PTPN14: variants seen among roughly 807,000 people sequenced by gnomAD.
PTPN14 encodes the protein protein tyrosine phosphatase non-receptor type 14.
A neutral mutation model predicts 126.8 loss-of-function variants in PTPN14; 53 were observed. That is an observed-to-expected ratio of 0.42 (90% CI 0.34 to 0.53). PTPN14 has a LOEUF of 0.53. Ranked by LOEUF, PTPN14 falls within the 20% of genes least tolerant of loss-of-function variation. The pLI, the probability that PTPN14 is intolerant of heterozygous loss-of-function variation, is 0.08. For missense variants in PTPN14, 1,257 were observed against 1,552.9 expected (o/e 0.81, Z 3.20); for synonymous variants, 630 against 599.3 (o/e 1.05, Z -0.75).
rs1657760145 is a variant in PTPN14 at position 214,353,987 on chromosome 1, T to C, written c.*3935A>G. 1 of 152,202 alleles carries C rather than the reference T, an allele frequency of 6.6e-6. No individual in the cohort carries two copies. Among genetic ancestry groups the C allele is most frequent in the African/African-American group, 2.4e-5 (1 of 41,438 alleles). 9.4% of individuals were successfully genotyped at this position (152,202 alleles called of 1,614,324 possible). On this transcript the variant is annotated 3_prime_UTR_variant, in exon 19 of 19. Transcript: ENST00000366956. ...AATCTATATTAAGCTGGAAAAATAA[T>C]CAGCTGGATGAAAAGGCCAGCCTGC...
intron 3 of PTPN14, among the ~76,000 whole-genome samples, chr1:214,448,300 G>A (rs536157083): frequency 6.6e-6 from 1 of 152,172 alleles, no homozygotes. Context: ...GCGCGATCTC[G>A]GCTCACTGCA....
In PTPN14 at chr1:214,494,943, T is replaced by C. The variant is rs77392358; in HGVS notation, c.-154-29986A>G. ...CCTGGAATTCTTCTTGCTTGACTCATGAAACTCAACAGGTCTTAGAGATGA... is the reference window on the plus strand; with the variant it reads ...CCTGGAATTCTTCTTGCTTGACTCACGAAACTCAACAGGTCTTAGAGATGA... On this transcript the variant is annotated intron_variant, in intron 1 of 18. Transcript: ENST00000366956. Among the ~76,000 whole-genome samples, 262 of 152,350 alleles carry C rather than the reference T, an allele frequency of 1.7e-3. 2 individuals are homozygous for C. Among genetic ancestry groups the C allele is most frequent in the South Asian group, 6.0e-3 (29 of 4,832 alleles).
At chr1:214,372,457 A>G in intron 16 of PTPN14, 1 of 476,436 alleles carries the variant, frequency 2.1e-6, no homozygotes, top group Non-Finnish European at 3.7e-6. Flanking sequence ...AGTTTAGTGC[A>G]TTACAATCCA....
At chr1:214,533,751 G>A (rs1199438055) in intron 1 of PTPN14, among the ~76,000 whole-genome samples, 5 of 151,740 alleles carry the variant, frequency 3.3e-5, no homozygotes, top group Middle Eastern at 3.4e-3. Context: ...GCGGGAGAAT[G>A]GCGTGAACCC....
chr1:214,479,923 G>T (rs1660949473), intron 1 of PTPN14, among the ~76,000 whole-genome samples: 1 of 152,036 alleles, frequency 6.6e-6, no homozygotes, highest in African/African-American at 2.4e-5. Context: ...TTAATTTATT[G>T]TGTAACTGAG....
intron 15 of PTPN14, 90 bp downstream of exon 15, chr1:214,376,129 C>T: frequency 8.1e-7 from 1 of 1,236,030 alleles, no homozygotes; most frequent in Non-Finnish European, 1.1e-6. Context: ...CCAAAAGGTA[C>T]AACTGCAGCC....
rs114128993 is a variant in PTPN14, at chr1:214,394,820, C to A, written c.846+79G>T. The stretch of plus-strand genomic sequence containing the variant: ...ATTTATTATCTCAAGATAGGGAGAG[C>A]AAGGAAAGGACATTAGGAGTTGAAA... On this transcript the variant is annotated intron_variant, in intron 9 of 18. Transcript: ENST00000366956. 1,871 of 1,236,152 alleles carry A rather than the reference C, an allele frequency of 1.5e-3. 30 individuals are homozygous for A. In the African/African-American group the frequency reaches 0.024, roughly 16 times the overall value. The allele number at this position is 1,236,152 out of a possible 1,614,324, so 76.6% of individuals were successfully genotyped here.
chr1:214,544,812 G>GAAGAGGAGGTAAGAGAGAAAA (rs1460391037), intron 1 of PTPN14, among the ~76,000 whole-genome samples: 13 of 151,474 alleles, frequency 8.6e-5, no homozygotes, highest in Non-Finnish European at 1.8e-4. Flanking sequence ...AAAGAGGAGG[G>GAAGAGGAGGTAAGAGAGAAAA]AAGAGGAGGT....
intron 1 of PTPN14, among the ~76,000 whole-genome samples, chr1:214,482,118 C>G (rs1661004244): frequency 6.6e-6 from 1 of 151,598 alleles, no homozygotes; most frequent in African/African-American, 2.4e-5. Flanking sequence ...CATTTATTAG[C>G]TAAATTAGAA....
rs892666656 is a variant in PTPN14, at chr1:214,353,266, C to G, written c.*4656G>C. On this transcript the variant is annotated 3_prime_UTR_variant, in exon 19 of 19. Transcript: ENST00000366956. Reference sequence around the variant, plus strand: ...GTATTTGCATATAACCTATGCACATCTCTTGCATACTTTAAATCATCTCTA... The same window carrying G: ...GTATTTGCATATAACCTATGCACATGTCTTGCATACTTTAAATCATCTCTA... 1.3e-5 allele frequency: 2 copies of G among 152,108 alleles called. No individual in the cohort carries two copies. The highest frequency in any genetic ancestry group is 1.3e-4 in the Admixed American group (2 of 15,262). The allele number at this position is 152,108 out of a possible 1,614,324, so 9.4% of individuals were successfully genotyped here. A position where few individuals can be genotyped will look rare whatever the true frequency, so the allele number is the denominator to read the frequency against.
chr1:214,455,148 T>C (rs984416651), intron 2 of PTPN14, among the ~76,000 whole-genome samples: 5 of 152,176 alleles, frequency 3.3e-5, no homozygotes, highest in African/African-American at 1.2e-4. Flanking sequence ...GAGCCTAGGC[T>C]CTCATTTCAA....
chr1:214,546,578 C>A (rs1655974285), intron 1 of PTPN14, among the ~76,000 whole-genome samples: 1 of 152,192 alleles, frequency 6.6e-6, no homozygotes, highest in African/African-American at 2.4e-5. Context: ...GCACTAAAAT[C>A]TCAAACAATC....
chr1:214,511,614 T>C (rs1485363519), intron 1 of PTPN14, among the ~76,000 whole-genome samples: 1 of 152,202 alleles, frequency 6.6e-6, no homozygotes, highest in Non-Finnish European at 1.5e-5. Context: ...AGTTCAGCAG[T>C]ACCTTTAACA....
intron 1 of PTPN14, among the ~76,000 whole-genome samples, chr1:214,489,713 T>C (rs908792020): frequency 6.6e-6 from 1 of 152,176 alleles, no homozygotes; most frequent in African/African-American, 2.4e-5. Flanking sequence ...CAGAGCCTCG[T>C]AGGGTACTTA....
rs555507181 is a variant in PTPN14 at position 214,365,120 on chromosome 1, C to T, written c.3272-445G>A. Among the ~76,000 whole-genome samples, 25 of 152,248 alleles carry T rather than the reference C, an allele frequency of 1.6e-4. No individual in the cohort carries two copies. In the South Asian group the frequency reaches 4.4e-3, roughly 27 times the overall value. On this transcript the variant is annotated intron_variant, in intron 17 of 18. Transcript: ENST00000366956. ...CCAATTTCTGGTGGGGAGAGAGCATCCATCTGCCCCTTCTTCCTTCCCCTC... is the reference window on the plus strand; with the variant it reads ...CCAATTTCTGGTGGGGAGAGAGCATTCATCTGCCCCTTCTTCCTTCCCCTC...
At chr1:214,510,074 T>G (rs1654936004) in intron 1 of PTPN14, among the ~76,000 whole-genome samples, 1 of 152,318 alleles carries the variant, frequency 6.6e-6, no homozygotes, top group Non-Finnish European at 1.5e-5. Context: ...TGTAGGGTTC[T>G]TAATTGGCCT....
chr1:214,528,666 C>T (rs905076465), intron 1 of PTPN14: 8 of 152,208 alleles, frequency 5.3e-5, no homozygotes, highest in African/African-American at 1.9e-4. Flanking sequence ...CGCAGTGGCT[C>T]ACGCCTCTAA....
At chr1:214,433,952 A>ACACACACACAC (rs1491336637) in intron 3 of PTPN14, among the ~76,000 whole-genome samples, 1 of 9,162 alleles carries the variant, frequency 1.1e-4, no homozygotes, top group African/African-American at 4.2e-4. Context: ...ACACACACAC[A>ACACACACACAC]AAAAAAAAAA....
intron 3 of PTPN14, among the ~76,000 whole-genome samples, chr1:214,439,489 G>A (rs147365177): frequency 1.3e-5 from 2 of 152,288 alleles, no homozygotes; most frequent in East Asian, 3.9e-4. Flanking sequence ...TTACGTCAAA[G>A]TTGCTGGGAT....
Sources: gnomAD v4.1 joint callset for allele counts (sites outside exome capture counted in the v4.1 genomes callset) on GRCh38, gnomAD v4.1.1 for gene constraint, MANE v1.5 for transcripts, NCBI Gene and HGNC (gene_info 2026-07-23, HGNC 2026-07-21) for gene names.